TARS3: variants seen among roughly 807,000 people sequenced by gnomAD.
The protein encoded by TARS3 is threonine--tRNA ligase 2, cytoplasmic.
In TARS3, 94 loss-of-function variants were observed where a neutral mutation model predicts 103.5. That is an observed-to-expected ratio of 0.91 (90% confidence interval 0.77 to 1.08). The LOEUF (loss-of-function observed/expected upper bound fraction) is 1.08, where lower values mean the gene tolerates loss of function less well. Ranked by LOEUF, TARS3 falls within the 50% of genes least tolerant of loss-of-function variation. TARS3 has a pLI of 0.00. For missense variants in TARS3, 952 were observed against 995.2 expected (o/e 0.96, Z 0.58); for synonymous variants, 416 against 355.4 (o/e 1.17, Z -1.92).
chr15:101,691,720 TGATA>T (rs1405089419), intron 10 of TARS3, among the ~76,000 whole-genome samples: 1 of 152,232 alleles, frequency 6.6e-6, no homozygotes, highest in Non-Finnish European at 1.5e-5. Flanking sequence ...CAAAACTCCC[TGATA>T]AATATAATTT....
chr15:101,655,954 C>T, intron 18 of TARS3: 2 of 1,289,200 alleles, frequency 1.6e-6, no homozygotes, highest in Non-Finnish European at 2.0e-6. Flanking sequence ...TCTCTAGTGA[C>T]CCATATTGTG....
At chr15:101,721,395 G>T in intron 2 of TARS3, 73 bp from the exon 3 acceptor site, 1 of 1,185,236 alleles carries the variant, frequency 8.4e-7, no homozygotes, top group Non-Finnish European at 1.2e-6. Flanking sequence ...CTCTGAATCA[G>T]GCTCACCCCC....
chr15:101,707,435 C>A (rs899284690), intron 6 of TARS3, among the ~76,000 whole-genome samples: 1 of 152,152 alleles, frequency 6.6e-6, no homozygotes, highest in Non-Finnish European at 1.5e-5. Flanking sequence ...GCAGAAGCAA[C>A]CCAAGTGTTT....
intron 10 of TARS3, among the ~76,000 whole-genome samples, chr15:101,698,444 G>C (rs1221210243): frequency 6.6e-6 from 1 of 151,976 alleles, no homozygotes; most frequent in Admixed American, 6.5e-5. Flanking sequence ...GGATGACTCA[G>C]AGGGCAGAAT....
intron 10 of TARS3, among the ~76,000 whole-genome samples, chr15:101,689,555 G>T (rs1300212547): frequency 6.6e-6 from 1 of 152,116 alleles, no homozygotes; most frequent in Non-Finnish European, 1.5e-5. Context: ...TGCACACAAG[G>T]GGAAGACAAT....
rs1171977386 is a variant in TARS3, at chr15:101,704,248, A to C, written c.996-311T>G. 4.6e-5 allele frequency among the ~76,000 whole-genome samples: 7 copies of C among 152,330 alleles called. 1 individual carries two copies. The highest frequency in any genetic ancestry group is 3.9e-4 in the Admixed American group (6 of 15,302). ...CAAACACGAAAATGTCATCTCTCTCAATGGTCAGTCTTTGTGTATTGTTCT... is the reference window on the plus strand; with the variant it reads ...CAAACACGAAAATGTCATCTCTCTCCATGGTCAGTCTTTGTGTATTGTTCT... On this transcript the variant is annotated intron_variant, in intron 7 of 18. Transcript: ENST00000335968.
intron 15 of TARS3, among the ~76,000 whole-genome samples, chr15:101,671,121 A>G (rs923529893): frequency 6.6e-6 from 1 of 152,196 alleles, no homozygotes; most frequent in African/African-American, 2.4e-5. Context: ...GTTGGTTTAC[A>G]GTGATAAAAT....
intron 8 of TARS3, among the ~76,000 whole-genome samples, chr15:101,703,064 T>A (rs989153195): frequency 9.9e-5 from 15 of 152,150 alleles, no homozygotes; most frequent in African/African-American, 3.6e-4. Context: ...AACAGTGCCA[T>A]TAGCCAGCCC....
At chr15:101,689,302 A>G (rs916735362) in intron 10 of TARS3, among the ~76,000 whole-genome samples, 4 of 152,174 alleles carry the variant, frequency 2.6e-5, no homozygotes, top group Non-Finnish European at 4.4e-5. Flanking sequence ...GAAACCCCAC[A>G]AAGAGCATTA....
chr15:101,655,779 T>C lies in TARS3; in HGVS notation c.2261-1049A>G, dbSNP rs996843017. ...GGTGCAGATGAGAGTGGGGAGCTCT[T>C]ACAGGCTCACACTGACCCCACCTGG... On this transcript the variant is annotated intron_variant, in intron 18 of 18. Coordinates refer to ENST00000335968, the MANE Select transcript of TARS3 (RefSeq NM_152334.3). 6.8e-6 allele frequency: 8 copies of C among 1,183,110 alleles called. No homozygotes were observed. The African/African-American group carries it at 1.3e-4, about 19-fold the overall frequency. The allele number at this position is 1,183,110 out of a possible 1,614,324, so 73.3% of individuals were successfully genotyped here.
At chr15:101,702,471 T>A in intron 8 of TARS3, 86 bp from the exon 9 acceptor site, 2 of 1,177,728 alleles carry the variant, frequency 1.7e-6, no homozygotes, top group Non-Finnish European at 2.5e-6. Flanking sequence ...AATTTTCCAC[T>A]ATCATATCAA....
intron 12 of TARS3, among the ~76,000 whole-genome samples, chr15:101,677,984 ATT>A (rs34335030): frequency 2.4e-4 from 32 of 132,404 alleles, no homozygotes; most frequent in Admixed American, 3.0e-4. Context: ...TTTGGGGGTC[ATT>A]TTTTTTTTTT....
intron 12 of TARS3, 95 bp downstream of exon 12, chr15:101,683,980 G>T: frequency 7.8e-7 from 1 of 1,284,660 alleles, no homozygotes; most frequent in Non-Finnish European, 1.1e-6. Context: ...TAGACCAAAC[G>T]TCTATGTTTC....
intron 7 of TARS3, 56 bp downstream of exon 7, chr15:101,705,627 C>A: frequency 1.3e-6 from 2 of 1,496,198 alleles, no homozygotes; most frequent in Non-Finnish European, 1.8e-6. Context: ...TCGGCCTCTA[C>A]TGCTAACACC....
At chr15:101,711,626 T>A (rs957557202) in intron 5 of TARS3, among the ~76,000 whole-genome samples, 1 of 152,236 alleles carries the variant, frequency 6.6e-6, no homozygotes, top group African/African-American at 2.4e-5. Context: ...CAGTATATGA[T>A]ACACCTAAGA....
At chr15:101,704,047 A>G in intron 7 of TARS3, 110 bp from the exon 8 acceptor site, 1 of 689,024 alleles carries the variant, frequency 1.5e-6, no homozygotes. Flanking sequence ...ATTTATATGT[A>G]GCAATGCCAT....
chr15:101,713,676 T>C (rs1401176219), intron 4 of TARS3, among the ~76,000 whole-genome samples: 13 of 152,214 alleles, frequency 8.5e-5, no homozygotes, highest in Non-Finnish European at 1.5e-4. Flanking sequence ...GGTGGAGTAA[T>C]GCACTGACTT....
At chr15:101,655,643 G>A (rs1291782397) in intron 18 of TARS3, among the ~76,000 whole-genome samples, 1 of 143,906 alleles carries the variant, frequency 6.9e-6, no homozygotes, top group Non-Finnish European at 1.5e-5. Flanking sequence ...GCACTAGGGC[G>A]CAAATGAGAG....
chr15:101,674,022 G>A (rs1459673262), intron 13 of TARS3, among the ~76,000 whole-genome samples: 2 of 152,080 alleles, frequency 1.3e-5, no homozygotes, highest in Non-Finnish European at 2.9e-5. Flanking sequence ...AATATTAAAT[G>A]GAAAATTCCA....
Sources: allele counts gnomAD v4.1 joint callset (sites outside exome capture counted in the v4.1 genomes callset), GRCh38; gene constraint gnomAD v4.1.1; transcripts MANE v1.5; gene names NCBI Gene and HGNC (gene_info 2026-07-23, HGNC 2026-07-21).